SPAG17: variants seen among roughly 807,000 people sequenced by gnomAD.
The protein encoded by SPAG17 is sperm associated antigen 17, also known as sperm-associated antigen 17.
Under a neutral mutation model 273.6 loss-of-function variants are expected in SPAG17, and 169 were observed. That is an observed-to-expected ratio of 0.62 (90% CI 0.55 to 0.70). SPAG17 has a LOEUF of 0.70. Ranked by LOEUF, SPAG17 falls within the 30% of genes least tolerant of loss-of-function variation. The probability of loss-of-function intolerance (pLI) is 0.00; values close to 1 mark genes in which losing one functional copy is unlikely to be tolerated. For missense variants in SPAG17, 2,557 were observed against 2,627.8 expected, an observed-to-expected ratio of 0.97 and a Z score of 0.59; for synonymous variants, 825 against 873.2, an observed-to-expected ratio of 0.94 and a Z score of 0.97.
At chr1:118,110,447 T>C (rs1656689994) in intron 4 of SPAG17, among the ~76,000 whole-genome samples, 1 of 152,238 alleles carries the variant, frequency 6.6e-6, no homozygotes, top group Non-Finnish European at 1.5e-5. Flanking sequence ...GTATTTTCTA[T>C]GTAGTCTATG....
In SPAG17 at chr1:117,996,731, C is replaced by T. The variant is rs769789602; in HGVS notation, c.4789G>A (p.Gly1597Ser). The change falls in exon 33 of 49, where the codon GGT becomes AGT. Residue 1597 changes from glycine to serine, a missense_variant. Transcript: ENST00000336338. ...EGNTFQVMAD[G>S]SISTILPEKK... ...TCAGGTAATATAGTTGATATGCTAC[C>T]ATCAGCCATGACCTAAGGGATAAAG... 5 of 1,609,064 alleles carry T rather than the reference C, an allele frequency of 3.1e-6. No individual in the cohort carries two copies. Among genetic ancestry groups the T allele is most frequent in the Admixed American group, 1.7e-5 (1 of 59,228 alleles).
chr1:118,043,054 A>G (rs1649954448), intron 20 of SPAG17, among the ~76,000 whole-genome samples: 1 of 152,248 alleles, frequency 6.6e-6, no homozygotes, highest in African/African-American at 2.4e-5. Context: ...CATATCTACA[A>G]AGACTACAGA....
At chr1:118,100,881 G>T (rs1440579696) in intron 5 of SPAG17, among the ~76,000 whole-genome samples, 1 of 152,144 alleles carries the variant, frequency 6.6e-6, no homozygotes, top group African/African-American at 2.4e-5. Context: ...ATGATTGTGG[G>T]GGAGTTGGGG....
Position 117,966,668 on chromosome 1 carries a change from A to AT in SPAG17, c.6472dup (p.Ile2158AsnfsTer12). On this transcript the variant is annotated frameshift_variant, in exon 47 of 49. Transcript: ENST00000336338. LOFTEE classifies it high-confidence loss of function. ...TGTCATAATCTCGATATTGTGAGAG[A>AT]TGTGTGCTGATCCCTTGGCCCCATC... 1 of 1,613,976 alleles carries AT rather than the reference A, an allele frequency of 6.2e-7. No homozygotes were observed. The highest frequency in any genetic ancestry group is 8.5e-7 in the Non-Finnish European group (1 of 1,179,920).
intron 1 of SPAG17, among the ~76,000 whole-genome samples, chr1:118,166,502 T>A (rs1393714654): frequency 6.6e-6 from 1 of 152,198 alleles, no homozygotes. Context: ...ATACAAGACA[T>A]GAAATAAATT....
At chr1:118,136,801 A>ATGTGTGTGTG (rs5777337) in intron 3 of SPAG17, among the ~76,000 whole-genome samples, 2,843 of 147,212 alleles carry the variant, frequency 0.019, 91 homozygotes, top group East Asian at 0.15. Flanking sequence ...GTGTGTGTGT[A>ATGTGTGTGTG]TGTGTGTGTG....
At chr1:118,140,150 A>G (rs932219107) in intron 3 of SPAG17, among the ~76,000 whole-genome samples, 8 of 152,190 alleles carry the variant, frequency 5.3e-5, no homozygotes, top group African/African-American at 1.7e-4. Flanking sequence ...AACTATAAAA[A>G]ATAAATTCCT....
intron 18 of SPAG17, among the ~76,000 whole-genome samples, chr1:118,060,860 T>C (rs1571374568): frequency 6.6e-6 from 1 of 152,184 alleles, no homozygotes; most frequent in East Asian, 1.9e-4. Context: ...GTCATGTTCC[T>C]TGAAGTTTTC....
At chr1:118,095,483 T>C (rs1655650065) in intron 7 of SPAG17, among the ~76,000 whole-genome samples, 1 of 152,334 alleles carries the variant, frequency 6.6e-6, no homozygotes, top group Middle Eastern at 3.4e-3. Context: ...ATCTCCTGTG[T>C]CTTGTTGAAC....
chr1:118,008,837 G>C (rs1189849708), intron 30 of SPAG17, among the ~76,000 whole-genome samples: 1 of 152,066 alleles, frequency 6.6e-6, no homozygotes, highest in Non-Finnish European at 1.5e-5. Context: ...TGTGTGCATA[G>C]ATATATTTAT....
In SPAG17 at chr1:118,151,288, C is replaced by T. The variant is rs1570787619; in HGVS notation, c.169G>A (p.Val57Ile). 1 of 1,613,630 alleles carries T rather than the reference C, an allele frequency of 6.2e-7. No homozygotes were observed. The highest frequency in any genetic ancestry group is 8.5e-7 in the Non-Finnish European group (1 of 1,179,664). The change falls in exon 2 of 49, where the codon GTC (valine) becomes ATC (isoleucine). Residue 57 changes from valine (V) to isoleucine (I), a missense_variant. Transcript: ENST00000336338. ...DLLIQALTVA[V>I]QVPQRKLFSM... The stretch of plus-strand genomic sequence containing the variant: ...AAGAGTTTACGCTGAGGGACCTGGA[C>T]AGCCACGGTAAGGGCTTGGATGAGA...
At chr1:117,965,742 T>A (rs757090200) in intron 47 of SPAG17, 4 of 152,224 alleles carry the variant, frequency 2.6e-5, no homozygotes, top group Non-Finnish European at 5.9e-5. Context: ...GCTGATCATG[T>A]CACCCACAGG....
At chr1:117,984,143 A>C (rs1216399884) in intron 41 of SPAG17, among the ~76,000 whole-genome samples, 1 of 152,206 alleles carries the variant, frequency 6.6e-6, no homozygotes, top group East Asian at 1.9e-4. Context: ...GGGCGTTCTG[A>C]ACATATGAAA....
At chr1:118,157,050 T>A (rs1167615201) in intron 1 of SPAG17, among the ~76,000 whole-genome samples, 1 of 152,170 alleles carries the variant, frequency 6.6e-6, no homozygotes, top group East Asian at 1.9e-4. Flanking sequence ...TTCCCAACTC[T>A]CTTCAGTGTG....
At chr1:118,015,761 G>T (rs531837841) in intron 29 of SPAG17, among the ~76,000 whole-genome samples, 2 of 152,246 alleles carry the variant, frequency 1.3e-5, no homozygotes, top group Admixed American at 6.5e-5. Flanking sequence ...AGTCCCTAAT[G>T]ATACTCTCCA....
intron 3 of SPAG17, among the ~76,000 whole-genome samples, chr1:118,127,672 A>T (rs550344868): frequency 1.1e-4 from 16 of 152,234 alleles, no homozygotes; most frequent in Non-Finnish European, 1.9e-4. Flanking sequence ...ATTGCATTGA[A>T]TATGTAGACT....
At chr1:118,062,413 A>G (rs546766958) in intron 18 of SPAG17, among the ~76,000 whole-genome samples, 7 of 150,794 alleles carry the variant, frequency 4.6e-5, no homozygotes, top group Admixed American at 1.3e-4. Flanking sequence ...TGTATAACTT[A>G]TCAATGTCAG....
chr1:118,159,084 T>A (rs1369023143), intron 1 of SPAG17, among the ~76,000 whole-genome samples: 1 of 152,244 alleles, frequency 6.6e-6, no homozygotes, highest in African/African-American at 2.4e-5. Flanking sequence ...TGACTGAGTA[T>A]GTGGCATTTT....
At chr1:118,053,466 T>C (rs1361972814) in intron 20 of SPAG17, among the ~76,000 whole-genome samples, 1 of 152,000 alleles carries the variant, frequency 6.6e-6, no homozygotes, top group Non-Finnish European at 1.5e-5. Context: ...ATTCAAGGAA[T>C]AAATGGGTGC....
Sources: gnomAD v4.1 joint callset for allele counts (sites outside exome capture counted in the v4.1 genomes callset) on GRCh38, gnomAD v4.1.1 for gene constraint, MANE v1.5 for transcripts, NCBI Gene and HGNC (gene_info 2026-07-23, HGNC 2026-07-21) for gene names.